The following POU1F1 variants were observed in gnomAD, a reference collection of about 807,000 sequenced individuals.
POU1F1 encodes the protein pituitary-specific positive transcription factor 1.
A neutral mutation model predicts 32.3 loss-of-function variants in POU1F1; 23 were observed. That is an observed-to-expected ratio of 0.71 (90% CI 0.51 to 1.01). POU1F1 has a LOEUF of 1.01. Ranked by LOEUF, POU1F1 falls within the 50% of genes least tolerant of loss-of-function variation. The pLI is 0.00. For synonymous variants in POU1F1, 120 were observed against 115.6 expected (o/e 1.04, Z -0.25); for missense variants, 323 against 341.6 (o/e 0.95, Z 0.43).
chr3:87,271,627 A>G (rs1419017582), intron 2 of POU1F1, among the ~76,000 whole-genome samples: 1 of 152,196 alleles, frequency 6.6e-6, no homozygotes, highest in Non-Finnish European at 1.5e-5. Flanking sequence ...TAAAGGCCAC[A>G]GAAAGCAATC....
In POU1F1 at chr3:87,273,327, T is replaced by C; in HGVS notation, c.214+20A>G. The C allele has an allele frequency of 1.9e-6, 3 of 1,605,628 alleles. No homozygotes were observed. Among genetic ancestry groups the C allele is most frequent in the Non-Finnish European group, 2.6e-6 (3 of 1,173,324 alleles). ...AAGTGTCCCCAAATTCAATAACATGTAAAAGACAACTTTTCTTACCTGCCA... is the reference window on the plus strand; with the variant it reads ...AAGTGTCCCCAAATTCAATAACATGCAAAAGACAACTTTTCTTACCTGCCA... On this transcript the variant is annotated intron_variant, in intron 2 of 5. Coordinates refer to ENST00000350375, the MANE Select transcript of POU1F1 (RefSeq NM_000306.4).
Position 87,259,629 on chromosome 3 carries a change from G to T in POU1F1, c.*265C>A. On this transcript the variant is annotated 3_prime_UTR_variant, in exon 6 of 6. Coordinates refer to ENST00000350375, the MANE Select transcript of POU1F1 (RefSeq NM_000306.4). ...TGCGTGTGTGTGAGAAAGAGAGCGG[G>T]AGAGACAGAGAGATCATTTTATTAC... The T allele has an allele frequency of 7.1e-5, 30 of 425,290 alleles. No homozygotes were observed. Among genetic ancestry groups the T allele is most frequent in the South Asian group, 3.4e-4 (14 of 41,356 alleles). The allele number at this position is 425,290 out of a possible 1,614,324, so 26.3% of individuals were successfully genotyped here. A position where few individuals can be genotyped will look rare whatever the true frequency, so the allele number is the denominator to read the frequency against.
intron 3 of POU1F1, 40 bp from the exon 4 acceptor site, chr3:87,262,275 A>T: frequency 1.2e-6 from 2 of 1,611,744 alleles, no homozygotes; most frequent in Non-Finnish European, 1.7e-6. Flanking sequence ...CCAACTTTCC[A>T]GGAAATGTTA....
At chr3:87,268,854 GGA>G (rs959190463) in intron 2 of POU1F1, among the ~76,000 whole-genome samples, 2 of 152,172 alleles carry the variant, frequency 1.3e-5, no homozygotes, top group Non-Finnish European at 2.9e-5. Flanking sequence ...GTGTGACAGA[GGA>G]GAGAGAAGAA....
At chr3:87,270,277 C>G (rs1221812612) in intron 2 of POU1F1, among the ~76,000 whole-genome samples, 3 of 152,092 alleles carry the variant, frequency 2.0e-5, no homozygotes, top group Non-Finnish European at 2.9e-5. Flanking sequence ...TAGTACCCAC[C>G]ACAACGTAGA....
chr3:87,264,906 A>G (rs1706587996), intron 2 of POU1F1, among the ~76,000 whole-genome samples: 1 of 152,152 alleles, frequency 6.6e-6, no homozygotes, highest in South Asian at 2.1e-4. Context: ...TTCTTAATTC[A>G]TTGAATAAAT....
intron 2 of POU1F1, among the ~76,000 whole-genome samples, chr3:87,268,889 G>A (rs1412627199): frequency 1.3e-5 from 2 of 152,140 alleles, no homozygotes; most frequent in Non-Finnish European, 2.9e-5. Flanking sequence ...TTTTAAAGCA[G>A]GCAATGGGGG....
At chr3:87,264,223 G>A in intron 3 of POU1F1, 65 bp downstream of exon 3, 1 of 1,277,982 alleles carries the variant, frequency 7.8e-7, no homozygotes. Flanking sequence ...ATATATAAGA[G>A]ATTTAACAGC....
intron 1 of POU1F1, among the ~76,000 whole-genome samples, chr3:87,273,914 T>G (rs530454013): frequency 6.6e-6 from 1 of 152,316 alleles, no homozygotes; most frequent in Admixed American, 6.5e-5. Flanking sequence ...GAACAGCGTA[T>G]TTTTGCTTAT....
At chr3:87,273,046 C>T (rs1706756488) in intron 2 of POU1F1, among the ~76,000 whole-genome samples, 1 of 151,984 alleles carries the variant, frequency 6.6e-6, no homozygotes, top group Non-Finnish European at 1.5e-5. Flanking sequence ...GAAGGTAAGC[C>T]TACCAATAGC....
chr3:87,261,131 G>A (rs1243140022), intron 5 of POU1F1, 142 bp downstream of exon 5: 2 of 612,484 alleles, frequency 3.3e-6, no homozygotes, highest in Non-Finnish European at 5.8e-6. Context: ...GACTGGTCTC[G>A]AGCTCCTGAC....
Position 87,259,975 on chromosome 3 carries a change from C to T in POU1F1, c.795G>A (p.Arg265=). 1.2e-6 allele frequency: 2 copies of T among 1,614,136 alleles called. No homozygotes were observed. Among genetic ancestry groups the T allele is most frequent in the Non-Finnish European group, 1.7e-6 (2 of 1,180,022 alleles). The change falls in exon 6 of 6, where the codon CGG becomes CGA. Residue 265 remains arginine, a synonymous_variant. Coordinates refer to ENST00000350375, the MANE Select transcript of POU1F1 (RefSeq NM_000306.4). Reference sequence around the variant, plus strand: ...TTTTCACCCGTTTTTCTCTCTGCCTCCGGTTGCAAAACCAAACTCTTACTA... The same window carrying T: ...TTTTCACCCGTTTTTCTCTCTGCCTTCGGTTGCAAAACCAAACTCTTACTA... The part of the protein sequence containing the change: ...KEVVRVWFCN[R]RQREKRVKTS...
chr3:87,271,991 A>G (rs911478614), intron 2 of POU1F1, among the ~76,000 whole-genome samples: 1 of 152,044 alleles, frequency 6.6e-6, no homozygotes, highest in Non-Finnish European at 1.5e-5. Flanking sequence ...AAATTTTGAG[A>G]TATCAAAGGT....
intron 1 of POU1F1, 76 bp from the exon 2 acceptor site, chr3:87,273,494 G>A (rs964929426): frequency 6.3e-7 from 1 of 1,594,388 alleles, no homozygotes; most frequent in Non-Finnish European, 8.5e-7. Context: ...AAAATAGATG[G>A]GACTGGTAAG....
intron 1 of POU1F1, among the ~76,000 whole-genome samples, chr3:87,274,915 AC>A (rs752338106): frequency 4.6e-5 from 7 of 151,906 alleles, no homozygotes; most frequent in East Asian, 3.8e-4. Flanking sequence ...ATAAATTGTT[AC>A]TTATTTTAAA....
At chr3:87,274,404 A>T (rs1474536683) in intron 1 of POU1F1, among the ~76,000 whole-genome samples, 5 of 151,918 alleles carry the variant, frequency 3.3e-5, no homozygotes, top group African/African-American at 1.2e-4. Flanking sequence ...ATTTTCATAA[A>T]TTAATTTTCT....
At chr3:87,272,727 A>G (rs1272011677) in intron 2 of POU1F1, among the ~76,000 whole-genome samples, 1 of 152,192 alleles carries the variant, frequency 6.6e-6, no homozygotes, top group Non-Finnish European at 1.5e-5. Flanking sequence ...CTCACTCAGA[A>G]GCAATTCAGA....
chr3:87,270,469 G>A (rs576897982), intron 2 of POU1F1, among the ~76,000 whole-genome samples: 4 of 152,072 alleles, frequency 2.6e-5, no homozygotes, highest in Non-Finnish European at 5.9e-5. Flanking sequence ...CAAAATATTA[G>A]TTATAGCTCT....
At chr3:87,262,772 T>C (rs1706536922) in intron 3 of POU1F1, among the ~76,000 whole-genome samples, 1 of 152,146 alleles carries the variant, frequency 6.6e-6, no homozygotes, top group Non-Finnish European at 1.5e-5. Flanking sequence ...ACACATTTCA[T>C]GTATACTTCT....
Sources: allele counts gnomAD v4.1 joint callset (sites outside exome capture counted in the v4.1 genomes callset), GRCh38; gene constraint gnomAD v4.1.1; transcripts MANE v1.5; gene names NCBI Gene and HGNC (gene_info 2026-07-23, HGNC 2026-07-21).